The following GDPD4 variants were observed in gnomAD, a reference collection of about 807,000 sequenced individuals.
GDPD4 encodes glycerophosphodiester phosphodiesterase 6.
GDPD4 carries 60 observed loss-of-function variants against 67.8 expected under a neutral mutation model. The ratio of observed to expected loss-of-function variants is 0.88; its 90% CI spans 0.72 to 1.10. The LOEUF (loss-of-function observed/expected upper bound fraction) is 1.10. GDPD4 is among the 50% of genes least tolerant of loss of function. GDPD4 has a pLI of 0.00. For missense variants in GDPD4, 623 were observed against 613.9 expected, an observed-to-expected ratio of 1.01 and a Z score of -0.16; for synonymous variants, 212 against 210.9, an observed-to-expected ratio of 1.00 and a Z score of -0.04.
At chr11:77,240,352 A>T (rs938515983) in intron 13 of GDPD4, among the ~76,000 whole-genome samples, 5 of 152,212 alleles carry the variant, frequency 3.3e-5, no homozygotes, top group Non-Finnish European at 7.3e-5. Context: ...TAGTTAATTG[A>T]ATTTCAACAA....
chr11:77,286,087 T>C (rs1176289123), intron 2 of GDPD4, among the ~76,000 whole-genome samples: 2 of 152,152 alleles, frequency 1.3e-5, no homozygotes, highest in Non-Finnish European at 2.9e-5. Context: ...CCTCTCTAGC[T>C]TCTTTTCCCC....
At chr11:77,300,139 A>T (rs111279948) in intron 1 of GDPD4, among the ~76,000 whole-genome samples, 1 of 145,126 alleles carries the variant, frequency 6.9e-6, no homozygotes, top group African/African-American at 2.9e-5. Flanking sequence ...TCTGATTACC[A>T]GCTCTGCCCT....
rs1004647243 is a variant in GDPD4, at chr11:77,245,899, G to C, written c.865-397C>G. Among the ~76,000 whole-genome samples, 3 of 152,232 alleles carry C rather than the reference G, an allele frequency of 2.0e-5. No individual in the cohort carries two copies. The East Asian group carries it at 5.8e-4, about 29-fold the overall frequency. ...TTGGCTTCAACTGAATTTAATACCA[G>C]CTCTACCCCTCCCTTGACTTCCTTG... On this transcript the variant is annotated intron_variant, in intron 11 of 16. Coordinates refer to ENST00000315938, the MANE Select transcript of GDPD4 (RefSeq NM_182833.3).
chr11:77,224,462 G>A (rs1958288366), intron 16 of GDPD4, among the ~76,000 whole-genome samples: 1 of 152,174 alleles, frequency 6.6e-6, no homozygotes, highest in Non-Finnish European at 1.5e-5. Flanking sequence ...CATCATAGCA[G>A]ACTGGAGAGA....
At position 77,227,893 on chromosome 11, in the gene GDPD4, T is replaced by G. The variant is rs747406984; in HGVS notation, c.1496A>C (p.Lys499Thr). The change falls in exon 16 of 17, where the codon AAA becomes ACA. Residue 499 changes from lysine (K) to threonine (T), a missense_variant. Lys to Thr is a moderately conservative substitution (Grantham distance 78). Coordinates refer to ENST00000315938, the MANE Select transcript of GDPD4 (RefSeq NM_182833.3). ...GCGAGTGCTGGAGGTTTCAAACAATTTTTCTTTTTCAGTCTCTCTCCGCCT... is the reference window on the plus strand; with the variant it reads ...GCGAGTGCTGGAGGTTTCAAACAATGTTTCTTTTTCAGTCTCTCTCCGCCT... ...FHWRRETEKE[K>T]LFETSSTRTD... 5 of 1,613,694 alleles carry G rather than the reference T, an allele frequency of 3.1e-6. No individual in the cohort carries two copies. Among genetic ancestry groups the G allele is most frequent in the Non-Finnish European group, 4.2e-6 (5 of 1,179,616 alleles).
chr11:77,278,042 G>A (rs912485238), intron 4 of GDPD4, among the ~76,000 whole-genome samples: 1 of 151,878 alleles, frequency 6.6e-6, no homozygotes, highest in East Asian at 1.9e-4. Context: ...GTAGTTGAGC[G>A]GTTTTGAGTG....
intron 13 of GDPD4, among the ~76,000 whole-genome samples, chr11:77,234,720 G>A (rs1958518087): frequency 6.6e-6 from 1 of 152,140 alleles, no homozygotes; most frequent in African/African-American, 2.4e-5. Context: ...GTGTATATGT[G>A]TCACATTTTC....
chr11:77,276,699 A>T (rs1394540948), intron 4 of GDPD4, among the ~76,000 whole-genome samples: 2 of 152,182 alleles, frequency 1.3e-5, no homozygotes, highest in African/African-American at 2.4e-5. Flanking sequence ...ACTGGTATAG[A>T]TTCAACAAAT....
chr11:77,250,964 T>C (rs376347942), intron 11 of GDPD4, among the ~76,000 whole-genome samples: 6 of 152,354 alleles, frequency 3.9e-5, no homozygotes, highest in African/African-American at 1.4e-4. Context: ...GATGTAAATA[T>C]AGCTATTCCT....
At chr11:77,298,200 T>C (rs1938041478) in intron 1 of GDPD4, among the ~76,000 whole-genome samples, 1 of 152,152 alleles carries the variant, frequency 6.6e-6, no homozygotes, top group African/African-American at 2.4e-5. Flanking sequence ...TTGCAAATCA[T>C]CTTTAAGTGA....
chr11:77,236,965 A>G (rs1958581027), intron 13 of GDPD4, among the ~76,000 whole-genome samples: 1 of 152,218 alleles, frequency 6.6e-6, no homozygotes, highest in Admixed American at 6.5e-5. Flanking sequence ...AATATTTACC[A>G]GGAAGAGTAG....
chr11:77,268,965 C>T lies in GDPD4; in HGVS notation c.583G>A (p.Gly195Arg). 1 of 1,614,020 alleles carries T rather than the reference C, an allele frequency of 6.2e-7. No homozygotes were observed. The highest frequency in any genetic ancestry group is 1.3e-5 in the African/African-American group (1 of 74,992). ...TGTCCAAAGATGGTTGGCTTGGGCCCCAAATTCTCCTTCTCCTGAATGCAG... is the reference window on the plus strand; with the variant it reads ...TGTCCAAAGATGGTTGGCTTGGGCCTCAAATTCTCCTTCTCCTGAATGCAG... ...SPCIQEKENLGPKPTIFGHRG... is the reference protein window; with the variant it reads ...SPCIQEKENLRPKPTIFGHRG... Residue 195 changes from glycine (G) to arginine (R), a missense_variant, in exon 9 of 17, where the codon GGG becomes AGG. By Grantham distance (125) the Gly-to-Arg change is moderately radical. Transcript: ENST00000315938.
intron 5 of GDPD4, among the ~76,000 whole-genome samples, chr11:77,272,892 G>A (rs537301727): frequency 2.0e-5 from 3 of 152,012 alleles, no homozygotes; most frequent in Non-Finnish European, 4.4e-5. Context: ...TAAAATGTAA[G>A]GTGTGTTTTG....
At chr11:77,281,147 T>C (rs1037253491) in intron 3 of GDPD4, among the ~76,000 whole-genome samples, 1 of 152,220 alleles carries the variant, frequency 6.6e-6, no homozygotes, top group Non-Finnish European at 1.5e-5. Context: ...TGGGGCAGCC[T>C]AGTCAATGCA....
At chr11:77,230,132 T>C (rs771491086) in intron 14 of GDPD4, among the ~76,000 whole-genome samples, 3 of 152,126 alleles carry the variant, frequency 2.0e-5, no homozygotes, top group Non-Finnish European at 4.4e-5. Flanking sequence ...GCCCTACTAG[T>C]AGAAAATCTT....
At chr11:77,231,725 T>C (rs1958458850) in intron 14 of GDPD4, among the ~76,000 whole-genome samples, 1 of 152,220 alleles carries the variant, frequency 6.6e-6, no homozygotes, top group Non-Finnish European at 1.5e-5. Flanking sequence ...GATAGGATTA[T>C]GGAGGGGTGT....
chr11:77,268,664 C>T, intron 9 of GDPD4, 125 bp from the exon 10 acceptor site: 1 of 811,516 alleles, frequency 1.2e-6, no homozygotes, highest in Non-Finnish European at 2.1e-6. Flanking sequence ...GATCTCCTTT[C>T]AAAACCTGTA....
At chr11:77,223,172 C>A (rs546336319) in intron 16 of GDPD4, among the ~76,000 whole-genome samples, 1 of 152,148 alleles carries the variant, frequency 6.6e-6, no homozygotes. Flanking sequence ...ATCCTCCTTT[C>A]GCTTGGAGAA....
chr11:77,235,009 G>GTT lies in GDPD4; in HGVS notation c.1242-1839_1242-1838dup, dbSNP rs57989259. On this transcript the variant is annotated intron_variant, in intron 13 of 16. Coordinates refer to ENST00000315938, the MANE Select transcript of GDPD4 (RefSeq NM_182833.3). ...TCTCTCTGCAACCTTGTCAATATCT[G>GTT]TTTTTTTTTTTTTTTTTTTTTTTTT... 8.9e-3 allele frequency among the ~76,000 whole-genome samples: 463 copies of GTT among 52,232 alleles called. 61 individuals are homozygous for GTT. Among genetic ancestry groups the GTT allele is most frequent in the Middle Eastern group, 0.019 (1 of 54 alleles). The allele number at this position is 52,232 out of a possible 152,430, so 34.3% of individuals were successfully genotyped here. A position where few individuals can be genotyped will look rare whatever the true frequency, so the allele number is the denominator to read the frequency against.
Sources: gnomAD v4.1 joint callset for allele counts (sites outside exome capture counted in the v4.1 genomes callset) on GRCh38, gnomAD v4.1.1 for gene constraint, MANE v1.5 for transcripts, NCBI Gene and HGNC (gene_info 2026-07-23, HGNC 2026-07-21) for gene names.